The following PIK3C2G variants were observed in gnomAD, a reference collection of about 807,000 sequenced individuals.
PIK3C2G encodes phosphatidylinositol-4-phosphate 3-kinase catalytic subunit type 2 gamma.
In PIK3C2G, 168 loss-of-function variants were observed where a neutral mutation model predicts 181.1. That is an observed-to-expected ratio of 0.93 (90% CI 0.82 to 1.05). PIK3C2G has a LOEUF of 1.05. Ranked by LOEUF, PIK3C2G falls within the 50% of genes least tolerant of loss-of-function variation. PIK3C2G has a pLI of 0.00. For missense variants in PIK3C2G, 1,869 were observed against 1,732.8 expected, an observed-to-expected ratio of 1.08 and a Z score of -1.40; for synonymous variants, 573 against 592.2, an observed-to-expected ratio of 0.97 and a Z score of 0.47.
upstream of PIK3C2G, among the ~76,000 whole-genome samples, chr12:18,244,601 T>C (rs1948020232): frequency 6.6e-6 from 1 of 151,916 alleles, no homozygotes; most frequent in South Asian, 2.1e-4. Flanking sequence ...TACAAGTAAA[T>C]TAAAGTGTTA....
chr12:18,481,458 A>T (rs762204051), intron 18 of PIK3C2G, among the ~76,000 whole-genome samples: 2 of 152,172 alleles, frequency 1.3e-5, no homozygotes, highest in Non-Finnish European at 2.9e-5. Flanking sequence ...CTGTTGTGTA[A>T]TAGAACTCTT....
intron 6 of PIK3C2G, among the ~76,000 whole-genome samples, chr12:18,319,656 A>G (rs144425399): frequency 8.2e-4 from 125 of 152,342 alleles, no homozygotes; most frequent in African/African-American, 2.8e-3. Flanking sequence ...GAAAGATGTA[A>G]CTAAGTATAT....
chr12:18,574,117 T>C (rs1412824882), intron 29 of PIK3C2G, among the ~76,000 whole-genome samples: 1 of 152,224 alleles, frequency 6.6e-6, no homozygotes, highest in Non-Finnish European at 1.5e-5. Flanking sequence ...ACTCATCTTA[T>C]TTGAGATGAA....
chr12:18,278,589 A>G (rs1018847029), intron 1 of PIK3C2G, among the ~76,000 whole-genome samples: 8 of 152,242 alleles, frequency 5.3e-5, no homozygotes, highest in Middle Eastern at 3.4e-3. Context: ...TACAAAATAC[A>G]TTTTCTATAG....
intron 22 of PIK3C2G, among the ~76,000 whole-genome samples, chr12:18,502,441 A>G (rs1941556094): frequency 6.6e-6 from 1 of 152,186 alleles, no homozygotes; most frequent in Non-Finnish European, 1.5e-5. Context: ...TGTCGAGACT[A>G]TGGAAATCAG....
At chr12:18,659,200 C>G in the PIK3C2G span, among the ~76,000 whole-genome samples, 1 of 152,148 alleles carries the variant, frequency 6.6e-6, no homozygotes, top group Non-Finnish European at 1.5e-5. Context: ...TACTCAAAAA[C>G]TAGCCAACTT....
intron 18 of PIK3C2G, among the ~76,000 whole-genome samples, chr12:18,453,663 A>G (rs1947480573): frequency 6.6e-6 from 1 of 152,158 alleles, no homozygotes; most frequent in Admixed American, 6.6e-5. Context: ...GAATTCTTTC[A>G]CAGGTGTTCT....
At chr12:18,532,183 G>A (rs559119947) in intron 24 of PIK3C2G, among the ~76,000 whole-genome samples, 58 of 152,126 alleles carry the variant, frequency 3.8e-4, no homozygotes, top group African/African-American at 1.4e-3. Flanking sequence ...GTCATCTTCT[G>A]TGAAACATCT....
chr12:18,604,168 T>A (rs1367913282), intron 30 of PIK3C2G, among the ~76,000 whole-genome samples: 1 of 152,112 alleles, frequency 6.6e-6, no homozygotes, highest in Non-Finnish European at 1.5e-5. Context: ...ACATAAGCAT[T>A]CATATAAACT....
chr12:18,356,052 A>C (rs939952187), intron 11 of PIK3C2G, among the ~76,000 whole-genome samples: 2 of 152,152 alleles, frequency 1.3e-5, no homozygotes, highest in African/African-American at 2.4e-5. Context: ...AGAGGCCTTC[A>C]GTTTCCCCAG....
At chr12:18,418,746 T>C (rs917006282) in intron 16 of PIK3C2G, among the ~76,000 whole-genome samples, 11 of 152,084 alleles carry the variant, frequency 7.2e-5, no homozygotes, top group Non-Finnish European at 1.5e-4. Context: ...AAAACTTTTA[T>C]TCAACTGCGC....
chr12:18,615,326 C>T (rs1948545851), intron 31 of PIK3C2G, among the ~76,000 whole-genome samples: 1 of 129,238 alleles, frequency 7.7e-6, no homozygotes, highest in South Asian at 2.4e-4. Context: ...GAGTAGTATT[C>T]CACGGTGTGT....
chr12:18,348,455 A>G (rs1379823062), intron 11 of PIK3C2G, among the ~76,000 whole-genome samples: 1 of 152,102 alleles, frequency 6.6e-6, no homozygotes, highest in Non-Finnish European at 1.5e-5. Flanking sequence ...GTAGATGTGT[A>G]CATATGTACA....
intron 14 of PIK3C2G, among the ~76,000 whole-genome samples, chr12:18,385,200 A>C (rs1205198101): frequency 6.6e-6 from 1 of 152,148 alleles, no homozygotes; most frequent in Admixed American, 6.5e-5. Context: ...GATTATACTA[A>C]GCCTACCTGA....
At chr12:18,428,972 G>A (rs1450948715) in intron 18 of PIK3C2G, among the ~76,000 whole-genome samples, 1 of 152,190 alleles carries the variant, frequency 6.6e-6, no homozygotes, top group East Asian at 1.9e-4. Context: ...CAAGTATTGA[G>A]TTGAGTGGTG....
intron 13 of PIK3C2G, among the ~76,000 whole-genome samples, chr12:18,380,804 G>A (rs894455768): frequency 6.6e-6 from 1 of 152,166 alleles, no homozygotes; most frequent in Non-Finnish European, 1.5e-5. Flanking sequence ...GAAAGCTAAA[G>A]GTCTAAAGAA....
intron 29 of PIK3C2G, among the ~76,000 whole-genome samples, chr12:18,583,159 G>A (rs1215965219): frequency 1.3e-5 from 2 of 151,950 alleles, no homozygotes; most frequent in East Asian, 1.9e-4. Flanking sequence ...AACCACCCCT[G>A]TCAGTGTGTT....
the PIK3C2G span, among the ~76,000 whole-genome samples, chr12:18,682,971 G>T: frequency 6.6e-6 from 1 of 151,956 alleles, no homozygotes; most frequent in African/African-American, 2.4e-5. Flanking sequence ...AATTAAAAAT[G>T]ATACAAGCCA....
intron 18 of PIK3C2G, among the ~76,000 whole-genome samples, chr12:18,432,783 C>T (rs1263645653): frequency 6.6e-6 from 1 of 152,192 alleles, no homozygotes; most frequent in Admixed American, 6.5e-5. Flanking sequence ...GGGATCTCAA[C>T]ATGTTAAGTG....
Sources: gnomAD v4.1 joint callset for allele counts (sites outside exome capture counted in the v4.1 genomes callset) on GRCh38, gnomAD v4.1.1 for gene constraint, MANE v1.5 for transcripts, NCBI Gene and HGNC (gene_info 2026-07-23, HGNC 2026-07-21) for gene names.